XPO1: variants seen among roughly 807,000 people sequenced by gnomAD.
XPO1 encodes exportin-1.
A neutral mutation model predicts 133.3 loss-of-function variants in XPO1; 5 were observed. The observed-to-expected ratio is 0.04, with a 90% confidence interval of 0.02 to 0.08. The LOEUF (loss-of-function observed/expected upper bound fraction) is 0.08. Ranked by LOEUF, XPO1 falls within the 10% of genes least tolerant of loss-of-function variation. The pLI is 1.00. For missense variants in XPO1, 506 were observed against 1,267.5 expected (o/e 0.40, Z 9.12); for synonymous variants, 419 against 408.2 (o/e 1.03, Z -0.32).
At chr2:61,495,899 G>T (rs1043947080) in intron 10 of XPO1, among the ~76,000 whole-genome samples, 2 of 151,940 alleles carry the variant, frequency 1.3e-5, no homozygotes, top group African/African-American at 4.8e-5. Flanking sequence ...CAAACTCCTG[G>T]CTCAAGCAAT....
At chr2:61,522,553 TACA>T (rs2104749532) in intron 4 of XPO1, 55 bp downstream of exon 4, 1 of 1,462,704 alleles carries the variant, frequency 6.8e-7, no homozygotes, top group Non-Finnish European at 9.5e-7. Flanking sequence ...AACAGTCAAC[TACA>T]ATAAAAATGC....
chr2:61,487,794 T>C (rs1696770708), intron 19 of XPO1, among the ~76,000 whole-genome samples: 1 of 152,178 alleles, frequency 6.6e-6, no homozygotes, highest in Non-Finnish European at 1.5e-5. Context: ...ATCACTTTGC[T>C]AAAGAGGTAA....
chr2:61,517,872 G>A (rs546129890), intron 4 of XPO1, among the ~76,000 whole-genome samples: 3 of 151,954 alleles, frequency 2.0e-5, no homozygotes, highest in South Asian at 2.1e-4. Flanking sequence ...AATGGCTCAC[G>A]CCTATAATCC....
At chr2:61,480,054 G>A (rs1696263525) in intron 24 of XPO1, among the ~76,000 whole-genome samples, 1 of 151,762 alleles carries the variant, frequency 6.6e-6, no homozygotes, top group Admixed American at 6.6e-5. Context: ...TAGTAGAGAT[G>A]AGGTTTCACC....
At position 61,492,535 on chromosome 2, in the gene XPO1, G is replaced by A; in HGVS notation, c.1566+32C>T. 2 of 1,595,508 alleles carry A rather than the reference G, an allele frequency of 1.3e-6. No individual in the cohort carries two copies. The highest frequency in any genetic ancestry group is 1.7e-6 in the Non-Finnish European group (2 of 1,173,526). ...ATTGTAACAACATAATACTTATTTAGCAATTCTAATTCATACCTATCCCTT... is the reference window on the plus strand; with the variant it reads ...ATTGTAACAACATAATACTTATTTAACAATTCTAATTCATACCTATCCCTT... On this transcript the variant is annotated intron_variant, in intron 14 of 24. Coordinates refer to ENST00000401558, the MANE Select transcript of XPO1 (RefSeq NM_003400.4). The surrounding 1 kb of genome is among the most constrained non-coding windows in gnomAD (Gnocchi z 5.6).
At chr2:61,515,555 A>T (rs553396649) in intron 4 of XPO1, among the ~76,000 whole-genome samples, 13 of 152,334 alleles carry the variant, frequency 8.5e-5, no homozygotes, top group Non-Finnish European at 1.3e-4. Context: ...ACTCATACTC[A>T]GCATATGTAA....
intron 17 of XPO1, among the ~76,000 whole-genome samples, chr2:61,489,797 G>A (rs949069758): frequency 1.3e-5 from 2 of 151,688 alleles, no homozygotes; most frequent in East Asian, 2.0e-4. Context: ...CTGGTGATCC[G>A]CCTGCCTCGG....
intron 4 of XPO1, among the ~76,000 whole-genome samples, chr2:61,506,299 T>A (rs1697810222): frequency 6.6e-6 from 1 of 152,156 alleles, no homozygotes; most frequent in African/African-American, 2.4e-5. Flanking sequence ...GGCACGCGCC[T>A]ATAATCCCAG....
At chr2:61,510,703 TGAGGCA>T (rs947309353) in intron 4 of XPO1, among the ~76,000 whole-genome samples, 1 of 152,090 alleles carries the variant, frequency 6.6e-6, no homozygotes, top group African/African-American at 2.4e-5. Context: ...TTTGGGAGGC[TGAGGCA>T]GAGGATCGCT....
intron 3 of XPO1, among the ~76,000 whole-genome samples, chr2:61,523,049 CG>C (rs1039145724): frequency 6.6e-6 from 1 of 152,182 alleles, no homozygotes; most frequent in Non-Finnish European, 1.5e-5. Flanking sequence ...TACTTTAACA[CG>C]AACAGGCTCC....
At chr2:61,496,437 T>C (rs1220763372) in intron 10 of XPO1, among the ~76,000 whole-genome samples, 5 of 152,218 alleles carry the variant, frequency 3.3e-5, no homozygotes, top group Non-Finnish European at 7.3e-5. Flanking sequence ...CTCGAACTCC[T>C]GGCATCAACT....
rs1286343289 is a variant in XPO1, at chr2:61,525,743, A to T, written c.228+677T>A. ...ACTAATTAATATTTTAAAACTGTTA[A>T]TTAACAAAGTCTGGTTTCAGAAACA... On this transcript the variant is annotated intron_variant, in intron 3 of 24. Transcript: ENST00000401558. The T allele has an allele frequency of 4.9e-6, 5 of 1,029,106 alleles. No homozygotes were observed. In the African/African-American group the frequency reaches 6.8e-5, roughly 14 times the overall value. The allele number at this position is 1,029,106 out of a possible 1,614,324, so 63.7% of individuals were successfully genotyped here. A position where few individuals can be genotyped will look rare whatever the true frequency, so the allele number is the denominator to read the frequency against.
At chr2:61,501,307 T>C (rs1435895167) in intron 6 of XPO1, among the ~76,000 whole-genome samples, 1 of 152,170 alleles carries the variant, frequency 6.6e-6, no homozygotes, top group Non-Finnish European at 1.5e-5. Flanking sequence ...ATAAAAATTA[T>C]AAATTTAGTC....
chr2:61,514,530 T>C (rs1299893316), intron 4 of XPO1, among the ~76,000 whole-genome samples: 1 of 150,232 alleles, frequency 6.7e-6, no homozygotes, highest in Non-Finnish European at 1.5e-5. Context: ...GAAACAGAGG[T>C]TGCAGTCAGC....
chr2:61,526,130 C>T, intron 3 of XPO1: 1 of 1,162,210 alleles, frequency 8.6e-7, no homozygotes, highest in Non-Finnish European at 1.1e-6. Flanking sequence ...CTCTGAATAA[C>T]ATTCAGAATT....
At chr2:61,515,572 G>C (rs1026651339) in intron 4 of XPO1, among the ~76,000 whole-genome samples, 2 of 152,070 alleles carry the variant, frequency 1.3e-5, no homozygotes, top group African/African-American at 4.8e-5. Flanking sequence ...GTAAGCACAG[G>C]GCTTCCTATA....
chr2:61,487,009 T>C (rs1696729009), intron 19 of XPO1, among the ~76,000 whole-genome samples: 1 of 150,620 alleles, frequency 6.6e-6, no homozygotes, highest in Non-Finnish European at 1.5e-5. Flanking sequence ...TGAGACGAAG[T>C]TTCCCACTTG....
intron 2 of XPO1, among the ~76,000 whole-genome samples, chr2:61,531,860 T>C (rs985689075): frequency 2.6e-5 from 4 of 152,190 alleles, no homozygotes; most frequent in Non-Finnish European, 5.9e-5. Flanking sequence ...GGAGATAATA[T>C]ACTGATCAAA....
At chr2:61,480,921 T>C (rs371437912) in intron 24 of XPO1, among the ~76,000 whole-genome samples, 1 of 152,198 alleles carries the variant, frequency 6.6e-6, no homozygotes, top group East Asian at 1.9e-4. Flanking sequence ...CAATATTCCA[T>C]TATACATTTA....
Sources: allele counts gnomAD v4.1 joint callset (sites outside exome capture counted in the v4.1 genomes callset), GRCh38; gene constraint gnomAD v4.1.1; non-coding constraint Gnocchi (gnomAD v3.1); transcripts MANE v1.5; gene names NCBI Gene and HGNC (gene_info 2026-07-23, HGNC 2026-07-21).